The following CCDC57 variants were observed in gnomAD, a reference collection of about 807,000 sequenced individuals.
CCDC57 encodes coiled-coil domain-containing protein 57.
CCDC57 carries 118 observed loss-of-function variants against 118.9 expected under a neutral mutation model. The observed-to-expected ratio is 0.99, with a 90% CI of 0.86 to 1.16. The LOEUF is 1.16. Ranked by LOEUF, CCDC57 falls within the 50% of genes most tolerant of loss-of-function variation. CCDC57 has a pLI of 0.00. For synonymous variants in CCDC57, 527 were observed against 532.9 expected (o/e 0.99, Z 0.15); for missense variants, 1,300 against 1,320.7 (o/e 0.98, Z 0.24).
At position 82,183,796 on chromosome 17, in the gene CCDC57, G is replaced by A. The variant is rs867622533; in HGVS notation, c.1189C>T (p.Arg397Ter). Residue 397 changes from arginine to a stop codon, truncating the protein, a stop_gained, in exon 9 of 20, where the codon CGA (arginine) becomes TGA (stop). Coordinates refer to ENST00000665763, the Ensembl canonical transcript of CCDC57. LOFTEE classifies it high-confidence loss of function. Reference sequence around the variant, plus strand: ...TACCTTTCAATGTCCTGCTGGGATCGGGCCACCTGTGCCTTGAGCTTCACC... The same window carrying A: ...TACCTTTCAATGTCCTGCTGGGATCAGGCCACCTGTGCCTTGAGCTTCACC... 17 of 1,575,314 alleles carry A rather than the reference G, an allele frequency of 1.1e-5. No individual in the cohort carries two copies. Among genetic ancestry groups the A allele is most frequent in the East Asian group, 2.3e-5 (1 of 43,080 alleles).
chr17:82,110,963 T>C (rs538488654), intron 19 of CCDC57, among the ~76,000 whole-genome samples: 42 of 150,028 alleles, frequency 2.8e-4, no homozygotes, highest in African/African-American at 1.0e-3. Context: ...AGGTGGAGGT[T>C]GCGGTGAGCC....
chr17:82,132,036 T>C (rs975646765), intron 17 of CCDC57, among the ~76,000 whole-genome samples: 18 of 146,072 alleles, frequency 1.2e-4, no homozygotes, highest in African/African-American at 4.4e-4. Context: ...GAGAATGGCG[T>C]GAACTCGGGA....
At chr17:82,211,644 G>A (rs774033622) in intron 1 of CCDC57, among the ~76,000 whole-genome samples, 3 of 151,466 alleles carry the variant, frequency 2.0e-5, no homozygotes, top group Non-Finnish European at 2.9e-5. Flanking sequence ...GCCTCTCGGT[G>A]TGGTACCCTA....
intron 13 of CCDC57, among the ~76,000 whole-genome samples, chr17:82,169,628 G>A (rs2044428942): frequency 6.6e-6 from 1 of 152,210 alleles, no homozygotes; most frequent in Admixed American, 6.5e-5. Context: ...GAGGCATCCA[G>A]GCAGGAGAGG....
rs535502405 is a variant in CCDC57 at position 82,132,054 on chromosome 17, G to A, written c.2577+2019C>T. Reference sequence around the variant, plus strand: ...AATGGCGTGAACTCGGGAGGCGGAGGTTGCAGTGAGCCCAAATTACGCCAC... The same window carrying A: ...AATGGCGTGAACTCGGGAGGCGGAGATTGCAGTGAGCCCAAATTACGCCAC... On this transcript the variant is annotated intron_variant, in intron 17 of 19. Coordinates refer to ENST00000665763, the Ensembl canonical transcript of CCDC57. 9.6e-4 allele frequency among the ~76,000 whole-genome samples: 144 copies of A among 150,306 alleles called. 1 individual carries two copies. In the South Asian group the frequency reaches 0.03, roughly 31 times the overall value.
intron 16 of CCDC57, among the ~76,000 whole-genome samples, chr17:82,144,749 TA>T (rs1238311902): frequency 6.6e-6 from 1 of 152,254 alleles, no homozygotes; most frequent in African/African-American, 2.4e-5. Flanking sequence ...GATACTTTAC[TA>T]TTTATGCACA....
exon 8 of CCDC57, chr17:82,188,327 G>T: frequency 6.2e-7 from 1 of 1,607,712 alleles, no homozygotes. Flanking sequence ...CAGAACCCTG[G>T]TCTGCAGCTC....
At chr17:82,193,182 T>A (rs944404786) in intron 7 of CCDC57, among the ~76,000 whole-genome samples, 2 of 152,016 alleles carry the variant, frequency 1.3e-5, no homozygotes, top group African/African-American at 4.8e-5. Flanking sequence ...CTGCACCTAG[T>A]CCAAGTTCTA....
intron 16 of CCDC57, among the ~76,000 whole-genome samples, chr17:82,149,533 C>T (rs1161676473): frequency 6.6e-6 from 1 of 152,124 alleles, no homozygotes; most frequent in Admixed American, 6.5e-5. Flanking sequence ...ATGCCGGCTG[C>T]TTTGCTAACC....
At chr17:82,132,609 G>A (rs968455997) in intron 17 of CCDC57, among the ~76,000 whole-genome samples, 8 of 152,040 alleles carry the variant, frequency 5.3e-5, no homozygotes, top group East Asian at 1.9e-4. Flanking sequence ...TGGTAGAGAC[G>A]GGGTCTCGCT....
Position 82,211,290 on chromosome 17 carries a change from C to T in CCDC57, c.-211+1495G>A, listed in dbSNP as rs185544472. Reference sequence around the variant, plus strand: ...ATTATGACAAAACATCAGAGAAATGCCCCCGAACTGGGGGGCATTTTATAA... The same window carrying T: ...ATTATGACAAAACATCAGAGAAATGTCCCCGAACTGGGGGGCATTTTATAA... On this transcript the variant is annotated intron_variant, in intron 1 of 19. Transcript: ENST00000665763. Among the ~76,000 whole-genome samples, 20 of 152,178 alleles carry T rather than the reference C, an allele frequency of 1.3e-4. No homozygotes were observed. The East Asian group carries it at 3.9e-3, about 29-fold the overall frequency.
intron 15 of CCDC57, 143 bp downstream of exon 14, chr17:82,157,605 C>G: frequency 6.9e-7 from 1 of 1,441,174 alleles, no homozygotes; most frequent in Non-Finnish European, 9.1e-7. Context: ...GCAGGGCCCA[C>G]TTCCAGGCAC....
At chr17:82,161,103 G>A (rs2043273394) in intron 14 of CCDC57, among the ~76,000 whole-genome samples, 2 of 152,084 alleles carry the variant, frequency 1.3e-5, no homozygotes, top group African/African-American at 2.4e-5. Context: ...CACATGAGAC[G>A]ATGCTCGACA....
At chr17:82,114,098 A>G (rs967486097) in intron 19 of CCDC57, among the ~76,000 whole-genome samples, 2 of 152,172 alleles carry the variant, frequency 1.3e-5, no homozygotes, top group Non-Finnish European at 2.9e-5. Flanking sequence ...GTCAGTACAC[A>G]GAGTGACGCC....
At chr17:82,157,389 C>T (rs1325916110) in intron 15 of CCDC57, 1 of 1,153,080 alleles carries the variant, frequency 8.7e-7, no homozygotes, top group Admixed American at 4.3e-5. Flanking sequence ...CACGCAGACG[C>T]CCCCTCAGCA....
chr17:82,117,221 C>T (rs1195543798), intron 19 of CCDC57, among the ~76,000 whole-genome samples: 1 of 151,744 alleles, frequency 6.6e-6, no homozygotes, highest in Non-Finnish European at 1.5e-5. Flanking sequence ...GGCATGGTGG[C>T]GCACGCCATA....
At chr17:82,188,695 C>A (rs1395925617) in intron 7 of CCDC57, among the ~76,000 whole-genome samples, 2 of 152,222 alleles carry the variant, frequency 1.3e-5, no homozygotes, top group African/African-American at 4.8e-5. Context: ...ACAGTTTGAT[C>A]CGATCAACCT....
At position 82,134,209 on chromosome 17, in the gene CCDC57, G is replaced by C; in HGVS notation, c.2456-15C>G. 1 of 1,306,512 alleles carries C rather than the reference G, an allele frequency of 7.7e-7. No homozygotes were observed. Among genetic ancestry groups the C allele is most frequent in the South Asian group, 2.5e-5 (1 of 40,188 alleles). 80.9% of individuals were successfully genotyped at this position (1,306,512 alleles called of 1,614,324 possible). A position where few individuals can be genotyped will look rare whatever the true frequency, so the allele number is the denominator to read the frequency against. On this transcript the variant is annotated splice_polypyrimidine_tract_variant and intron_variant, in intron 16 of 19. Coordinates refer to ENST00000665763, the Ensembl canonical transcript of CCDC57. ...CAACAGCCACCCTGGGAATGGGATG[G>C]GGACAGAGTTTGTTCTCTGTGCATC...
intron 4 of CCDC57, among the ~76,000 whole-genome samples, chr17:82,196,600 G>A (rs1412313043): frequency 6.6e-6 from 1 of 152,178 alleles, no homozygotes; most frequent in African/African-American, 2.4e-5. Flanking sequence ...CCAGAGAGGG[G>A]ACCCTGTCAC....
Sources: allele counts gnomAD v4.1 joint callset (sites outside exome capture counted in the v4.1 genomes callset), GRCh38; gene constraint gnomAD v4.1.1; transcripts MANE v1.5; gene names NCBI Gene and HGNC (gene_info 2026-07-23, HGNC 2026-07-21).